Variants in CCT8 observed in about 807,000 individuals in gnomAD.
CCT8 encodes the protein T-complex protein 1 subunit theta.
Under a neutral mutation model 65.7 loss-of-function variants are expected in CCT8, and 10 were observed. The ratio of observed to expected loss-of-function variants is 0.15; its 90% CI spans 0.09 to 0.26. CCT8 has a LOEUF of 0.26. Ranked by LOEUF, CCT8 falls within the 10% of genes least tolerant of loss-of-function variation. The probability of loss-of-function intolerance (pLI) is 1.00; values close to 1 mark genes in which losing one functional copy is unlikely to be tolerated. For missense variants in CCT8, 568 were observed against 669.1 expected (o/e 0.85, Z 1.67); for synonymous variants, 199 against 221.8 (o/e 0.90, Z 0.92).
chr21:29,061,094 A>C (rs1437304245), intron 13 of CCT8, among the ~76,000 whole-genome samples, 159 bp downstream of exon 13: 2 of 152,236 alleles, frequency 1.3e-5, no homozygotes, highest in Admixed American at 6.5e-5. Flanking sequence ...AAGGAAAATG[A>C]AACGTTCCTC....
chr21:29,066,808 T>C, intron 5 of CCT8, 31 bp from the exon 6 acceptor site: 2 of 1,586,160 alleles, frequency 1.3e-6, no homozygotes, highest in Non-Finnish European at 1.7e-6. Flanking sequence ...ATCAAAAGAT[T>C]ATTTTGGGAC....
intron 14 of CCT8, among the ~76,000 whole-genome samples, chr21:29,057,006 A>G (rs1022169588): frequency 1.3e-5 from 2 of 151,994 alleles, no homozygotes; most frequent in African/African-American, 2.4e-5. Flanking sequence ...TAGTTGATAC[A>G]TAAGTATATA....
At chr21:29,058,063 C>T (rs1384571411) in intron 14 of CCT8, 1 of 152,038 alleles carries the variant, frequency 6.6e-6, no homozygotes, top group Non-Finnish European at 1.5e-5. Flanking sequence ...CTCAGAATAA[C>T]ATGTTACCAA....
At chr21:29,057,532 T>G (rs1169583101) in intron 14 of CCT8, among the ~76,000 whole-genome samples, 1 of 147,352 alleles carries the variant, frequency 6.8e-6, no homozygotes, top group African/African-American at 2.5e-5. Flanking sequence ...ATCCTAGCAC[T>G]TTGGGAGGCC....
chr21:29,063,482 C>T lies in CCT8; in HGVS notation c.811G>A (p.Gly271Arg). 6.2e-7 allele frequency: 1 copy of T among 1,614,002 alleles called. No individual in the cohort carries two copies. Among genetic ancestry groups the T allele is most frequent in the East Asian group, 2.2e-5 (1 of 44,876 alleles). ...TAEELMNFSK[G>R]EENLMDAQVK... The stretch of plus-strand genomic sequence containing the variant: ...TGTGCATCCATGAGGTTTTCTTCTC[C>T]CTTACTAAAATTCATCAATTCTTCA... The change falls in exon 8 of 15, where the codon GGA (glycine) becomes AGA (arginine). Residue 271 changes from glycine (G) to arginine (R), a missense_variant. Physicochemically the swap from Gly to Arg is moderately radical, Grantham distance 125. Transcript: ENST00000286788.
chr21:29,061,614 T>A (rs116595826), intron 11 of CCT8, 47 bp from the exon 12 acceptor site: 1 of 1,563,954 alleles, frequency 6.4e-7, no homozygotes, highest in South Asian at 1.1e-5. Flanking sequence ...CAAAACAAAT[T>A]CACTAAAAAT....
chr21:29,061,271 G>A lies in CCT8; in HGVS notation c.1431C>T (p.Asn477=), dbSNP rs766941778. 5.0e-6 allele frequency: 8 copies of A among 1,613,024 alleles called. No homozygotes were observed. The highest frequency in any genetic ancestry group is 4.0e-5 in the African/African-American group (3 of 74,854). Residue 477 remains asparagine, a synonymous_variant, in exon 13 of 15, where the codon AAC becomes AAT. Transcript: ENST00000286788. ...LYAVHQEGNK[N]VGLDIEAEVP... is the part of the protein sequence containing the mutation. ...CAAATACCTCAATATCTAATCCAAC[G>A]TTTTTATTTCCTTCTTGATGTACTG...
chr21:29,072,934 C>T (rs2146446970), intron 1 of CCT8, among the ~76,000 whole-genome samples: 2 of 152,332 alleles, frequency 1.3e-5, no homozygotes, highest in East Asian at 3.9e-4. Flanking sequence ...GGAAACAAAA[C>T]CCAAGAAAGT....
At position 29,069,499 on chromosome 21, in the gene CCT8, A is replaced by T; in HGVS notation, c.155T>A (p.Met52Lys). 6.4e-7 allele frequency: 1 copy of T among 1,552,326 alleles called. No individual in the cohort carries two copies. The highest frequency in any genetic ancestry group is 8.7e-7 in the Non-Finnish European group (1 of 1,149,546). Reference protein sequence around the residue: ...TTRTAYGPNGMNKMVINHLEK... With the variant: ...TTRTAYGPNGKNKMVINHLEK... The stretch of plus-strand genomic sequence containing the variant: ...CAAGTGGTTGATAACCATTTTGTTC[A>T]TTCCTCAAAAGTAACAGTTAAAAAA... The change falls in exon 3 of 15, where the codon ATG becomes AAG. Residue 52 changes from methionine (M) to lysine (K), a missense_variant. By Grantham distance (95) the Met-to-Lys change is moderately conservative. Coordinates refer to ENST00000286788, the MANE Select transcript of CCT8 (RefSeq NM_006585.4).
In CCT8 at chr21:29,061,546, C is replaced by T. The variant is rs750977190; in HGVS notation, c.1234G>A (p.Gly412Ser). Reference protein sequence around the residue: ...LTRDKRLVPGGGATEIELAKQ... With the variant: ...LTRDKRLVPGSGATEIELAKQ... ...GCTAATTCAATTTCTGTTGCTCCACCTCCGGGTACAAGACGTTTATCCTGT... is the reference window on the plus strand; with the variant it reads ...GCTAATTCAATTTCTGTTGCTCCACTTCCGGGTACAAGACGTTTATCCTGT... The change falls in exon 12 of 15, where the codon GGT (glycine) becomes AGT (serine). Residue 412 changes from glycine to serine, a missense_variant. Coordinates refer to ENST00000286788, the MANE Select transcript of CCT8 (RefSeq NM_006585.4). 4.3e-6 allele frequency: 7 copies of T among 1,613,910 alleles called. No individual in the cohort carries two copies. The Admixed American group carries it at 8.3e-5, about 19-fold the overall frequency.
intron 14 of CCT8, 129 bp downstream of exon 14, chr21:29,060,412 G>C: frequency 1.2e-6 from 1 of 863,806 alleles, no homozygotes; most frequent in Non-Finnish European, 1.7e-6. Context: ...GGGGCACATA[G>C]TATCTCTAAT....
intron 12 of CCT8, 24 bp downstream of exon 12, chr21:29,061,472 C>G: frequency 6.2e-7 from 1 of 1,613,438 alleles, no homozygotes; most frequent in South Asian, 1.1e-5. Flanking sequence ...GAAAGAAAGT[C>G]AATTTATACA....
At chr21:29,059,031 A>G (rs1232192029) in intron 14 of CCT8, among the ~76,000 whole-genome samples, 1 of 152,180 alleles carries the variant, frequency 6.6e-6, no homozygotes, top group Non-Finnish European at 1.5e-5. Flanking sequence ...CTCCCACCTC[A>G]GCCTCCTGCG....
chr21:29,066,268 G>A (rs568459230), intron 6 of CCT8, among the ~76,000 whole-genome samples: 19 of 151,934 alleles, frequency 1.3e-4, no homozygotes, highest in East Asian at 1.9e-4. Flanking sequence ...GGCCAGGCAC[G>A]GTGGTTCACG....
chr21:29,065,072 C>T lies in CCT8; in HGVS notation c.658G>A (p.Gly220Ser). The T allele has an allele frequency of 6.2e-7, 1 of 1,613,994 alleles. No homozygotes were observed. ...SGISSSSVLH[G>S]MVFKKETEGD... ...TCGGTTTCCTTCTTAAAAACCATGC[C>T]ATGCAATACTGAAGAGGAACTGATA... Residue 220 changes from glycine to serine, a missense_variant, in exon 7 of 15, where the codon GGC becomes AGC. Physicochemically the swap from Gly to Ser is moderately conservative, Grantham distance 56. Transcript: ENST00000286788.
At chr21:29,068,384 C>A (rs187866113) in intron 3 of CCT8, among the ~76,000 whole-genome samples, 3 of 152,222 alleles carry the variant, frequency 2.0e-5, no homozygotes, top group African/African-American at 4.8e-5. Context: ...CAGTGACAAA[C>A]CCTTGTACAA....
intron 4 of CCT8, 146 bp from the exon 5 acceptor site, chr21:29,067,217 A>G: frequency 3.4e-6 from 2 of 581,280 alleles, no homozygotes; most frequent in Middle Eastern, 2.9e-4. Flanking sequence ...ACTAGTTATG[A>G]ATGGAGGCTT....
rs377423345 is a variant in CCT8 at position 29,062,517 on chromosome 21, A to C, written c.981T>G (p.Thr327=). Residue 327 remains threonine (T), a synonymous_variant, in exon 9 of 15, where the codon ACT becomes ACG. Transcript: ENST00000286788. ...ATCTAGGAAGAGCTGTAGCACCAAC[A>C]GTTTTACAAAGTCTTCGGAGATCCC... The part of the protein sequence containing the change: ...SKWDLRRLCK[T]VGATALPRLT... 2.5e-6 allele frequency: 4 copies of C among 1,613,876 alleles called. No individual in the cohort carries two copies. The African/African-American group carries it at 5.3e-5, about 22-fold the overall frequency.
At chr21:29,072,552 A>G (rs2085693668) in intron 1 of CCT8, among the ~76,000 whole-genome samples, 2 of 152,228 alleles carry the variant, frequency 1.3e-5, no homozygotes, top group Non-Finnish European at 1.5e-5. Context: ...ACCAACATTT[A>G]CCTTGAACCC....
Sources: gnomAD v4.1 joint callset for allele counts (sites outside exome capture counted in the v4.1 genomes callset) on GRCh38, gnomAD v4.1.1 for gene constraint, MANE v1.5 for transcripts, NCBI Gene and HGNC (gene_info 2026-07-23, HGNC 2026-07-21) for gene names.